The following PAX3 variants were observed in gnomAD, a reference collection of about 807,000 sequenced individuals.
The protein encoded by PAX3 is paired box protein Pax-3.
Under a neutral mutation model 51.6 loss-of-function variants are expected in PAX3, and 14 were observed. The ratio of observed to expected loss-of-function variants is 0.27; its 90% CI spans 0.18 to 0.42. PAX3 has a LOEUF of 0.42. PAX3 is among the 10% of genes least tolerant of loss of function. The probability of loss-of-function intolerance (pLI) is 1.00; values close to 1 mark genes in which losing one functional copy is unlikely to be tolerated. For synonymous variants in PAX3, 280 were observed against 253.4 expected (o/e 1.11, Z -1.00); for missense variants, 540 against 642.8 (o/e 0.84, Z 1.73).
chr2:222,298,309 C>A, intron 1 of PAX3: 1 of 587,112 alleles, frequency 1.7e-6, no homozygotes, highest in Admixed American at 3.0e-5. Flanking sequence ...CGCCGCAGGC[C>A]TGACCGCCCA....
At chr2:222,223,205 G>C (rs1692265293) in intron 5 of PAX3, among the ~76,000 whole-genome samples, 1 of 152,162 alleles carries the variant, frequency 6.6e-6, no homozygotes, top group Non-Finnish European at 1.5e-5. Flanking sequence ...TCTGAAAAGA[G>C]TTTTGTCTTC....
chr2:222,221,301 C>T lies in PAX3; in HGVS notation c.879G>A (p.Gly293=), dbSNP rs45522331. ...AGGTCGGCATGGCAGTGGGAGGGAA[C>T]CCCCCGGGAATGAGATGGTTGAAAG... ...LMAFNHLIPG[G]FPPTAMPTLP... Residue 293 remains glycine (G), a synonymous_variant, in exon 6 of 9, where the codon GGG becomes GGA. Transcript: ENST00000392070. 3 of 1,613,672 alleles carry T rather than the reference C, an allele frequency of 1.9e-6. No homozygotes were observed. Among genetic ancestry groups the T allele is most frequent in the Admixed American group, 1.7e-5 (1 of 59,996 alleles).
intron 4 of PAX3, among the ~76,000 whole-genome samples, chr2:222,267,723 A>C (rs1383723627): frequency 6.6e-6 from 1 of 152,216 alleles, no homozygotes; most frequent in Non-Finnish European, 1.5e-5. Context: ...TCTCTGAGAT[A>C]GTGACACCCC....
intron 4 of PAX3, among the ~76,000 whole-genome samples, chr2:222,289,468 T>C (rs1283600669): frequency 6.6e-6 from 1 of 152,186 alleles, no homozygotes; most frequent in South Asian, 2.1e-4. Context: ...GCTGACTGGT[T>C]CCGCCTCACC....
chr2:222,253,640 T>A (rs1324889512), intron 4 of PAX3, among the ~76,000 whole-genome samples: 2 of 152,048 alleles, frequency 1.3e-5, no homozygotes, highest in Non-Finnish European at 2.9e-5. Context: ...TTTCTTTTTT[T>A]TTTTTCTTTC....
chr2:222,231,049 G>A (rs1294368325), intron 5 of PAX3, among the ~76,000 whole-genome samples: 1 of 152,122 alleles, frequency 6.6e-6, no homozygotes, highest in Non-Finnish European at 1.5e-5. Context: ...CTAGCACTAT[G>A]ATGATCATAT....
intron 4 of PAX3, chr2:222,293,677 A>T: frequency 6.2e-7 from 1 of 1,614,154 alleles, no homozygotes; most frequent in Non-Finnish European, 8.5e-7. Context: ...TGTGGGGGCA[A>T]TTTTGGAGGG....
Position 222,292,495 on chromosome 2 carries a change from G to A in PAX3, c.586+1672C>T, listed in dbSNP as rs945654430. On this transcript the variant is annotated intron_variant, in intron 4 of 8. Transcript: ENST00000392070. ...TTGACCAGCTCATTTGGGACGTTTT[G>A]TCTCCTGGGCCTCAGTCGCCTGTAC... is the stretch of plus-strand genomic sequence containing the variant. Among the ~76,000 whole-genome samples, 6 of 152,326 alleles carry A rather than the reference G, an allele frequency of 3.9e-5. No individual in the cohort carries two copies. The East Asian group carries it at 1.2e-3, about 29-fold the overall frequency.
At chr2:222,223,846 C>G (rs1692288295) in intron 5 of PAX3, among the ~76,000 whole-genome samples, 2 of 152,126 alleles carry the variant, frequency 1.3e-5, no homozygotes, top group South Asian at 4.1e-4. Context: ...CGGTTTTTGT[C>G]AGATTTGTTG....
At chr2:222,256,711 G>A (rs964134213) in intron 4 of PAX3, among the ~76,000 whole-genome samples, 2 of 152,126 alleles carry the variant, frequency 1.3e-5, no homozygotes, top group Non-Finnish European at 2.9e-5. Flanking sequence ...ATCATAAAGT[G>A]AATAATGCAG....
Position 222,201,366 on chromosome 2 carries a change from A to T in PAX3, c.*42T>A. The T allele has an allele frequency of 2.5e-6, 4 of 1,611,810 alleles. No homozygotes were observed. The highest frequency in any genetic ancestry group is 3.4e-6 in the Non-Finnish European group (4 of 1,179,804). On this transcript the variant is annotated 3_prime_UTR_variant, in exon 9 of 9. Transcript: ENST00000392070. ...GATTCTTCATATCTAGGCTGCGAAG[A>T]CCAGAAACAGGGCCAGTTTTAGCTC...
intron 4 of PAX3, among the ~76,000 whole-genome samples, chr2:222,249,066 C>T (rs984513386): frequency 5.3e-5 from 8 of 152,116 alleles, no homozygotes; most frequent in African/African-American, 1.2e-4. Context: ...AAACTGTGAA[C>T]GTGTTTAGTA....
chr2:222,221,984 G>T (rs939249862), intron 5 of PAX3, among the ~76,000 whole-genome samples: 8 of 151,824 alleles, frequency 5.3e-5, no homozygotes, highest in Admixed American at 3.3e-4. Flanking sequence ...AGTGTTTCAA[G>T]AAATGAAAGC....
chr2:222,240,508 G>T (rs1472545880), intron 4 of PAX3, among the ~76,000 whole-genome samples: 1 of 152,156 alleles, frequency 6.6e-6, no homozygotes, highest in Non-Finnish European at 1.5e-5. Context: ...AACAAGAAAG[G>T]CTTATTTCTC....
rs780822579 is a variant in PAX3, at chr2:222,232,316, T to C, written c.587-33A>G. 1.3e-5 allele frequency: 20 copies of C among 1,588,186 alleles called. No individual in the cohort carries two copies. In the South Asian group the frequency reaches 2.0e-4, roughly 16 times the overall value. On this transcript the variant is annotated intron_variant, in intron 4 of 8. Coordinates refer to ENST00000392070, the MANE Select transcript of PAX3 (RefSeq NM_181458.4). ...CACAGAAGAACAAAACATCATAAAA[T>C]GTGAATCAAAAAAATAAAACTGAGA... is the stretch of plus-strand genomic sequence containing the variant.
rs752279110 is a variant in PAX3, at chr2:222,297,002, A to C, written c.297T>G (p.Gly99=). 3.7e-6 allele frequency: 6 copies of C among 1,613,774 alleles called. No individual in the cohort carries two copies. In the Admixed American group the frequency reaches 1.0e-4, roughly 27 times the overall value. Residue 99 remains glycine, a synonymous_variant, in exon 2 of 9, where the codon GGT becomes GGG. Transcript: ENST00000392070. ...RYQETGSIRP[G]AIGGSKPKQV... ...CCTTGGGCTTGCTGCCGCCGATGGC[A>C]CCAGGACGTATGGAGCCAGTCTCCT...
chr2:222,294,251 C>G lies in PAX3; in HGVS notation c.502G>C (p.Glu168Gln). 4 of 1,614,280 alleles carry G rather than the reference C, an allele frequency of 2.5e-6. No homozygotes were observed. The highest frequency in any genetic ancestry group is 3.4e-6 in the Non-Finnish European group (4 of 1,180,050). The change falls in exon 4 of 9, where the codon GAG becomes CAG. Residue 168 changes from glutamate (E) to glutamine (Q), a missense_variant. By Grantham distance (29) the Glu-to-Gln change is conservative (BLOSUM62 2). Coordinates refer to ENST00000392070, the MANE Select transcript of PAX3 (RefSeq NM_181458.4). Reference sequence around the variant, plus strand: ...TCCTTCCTCTCCAAGTCGGCCTCCTCCTCTTCACCTTTCCCGAATTTACTT... The same window carrying G: ...TCCTTCCTCTCCAAGTCGGCCTCCTGCTCTTCACCTTTCCCGAATTTACTT... ...LRSKFGKGEEEEADLERKEAE... is the reference protein window; with the variant it reads ...LRSKFGKGEEQEADLERKEAE...
chr2:222,222,928 T>C (rs532096581), intron 5 of PAX3, among the ~76,000 whole-genome samples: 1 of 152,280 alleles, frequency 6.6e-6, no homozygotes, highest in South Asian at 2.1e-4. Context: ...TGATTCTAAT[T>C]TCGACGAGCG....
chr2:222,245,955 T>C (rs539500548), intron 4 of PAX3, among the ~76,000 whole-genome samples: 340 of 152,068 alleles, frequency 2.2e-3, no homozygotes, highest in African/African-American at 7.9e-3. Flanking sequence ...CATTCCAGCC[T>C]GGGTGACAGA....
Sources: allele counts gnomAD v4.1 joint callset (sites outside exome capture counted in the v4.1 genomes callset), GRCh38; gene constraint gnomAD v4.1.1; transcripts MANE v1.5; gene names NCBI Gene and HGNC (gene_info 2026-07-23, HGNC 2026-07-21).